PDILT: variants seen among roughly 807,000 people sequenced by gnomAD.
PDILT encodes protein disulfide isomerase like, testis expressed.
Under a neutral mutation model 53.7 loss-of-function variants are expected in PDILT, and 43 were observed. The ratio of observed to expected loss-of-function variants is 0.80; its 90% CI spans 0.63 to 1.03. The LOEUF is 1.03. Ranked by LOEUF, PDILT falls within the 50% of genes least tolerant of loss-of-function variation. PDILT has a pLI of 0.00. For missense variants in PDILT, 727 were observed against 712.3 expected, an observed-to-expected ratio of 1.02 and a Z score of -0.24; for synonymous variants, 282 against 274.2, an observed-to-expected ratio of 1.03 and a Z score of -0.28.
chr16:20,359,633 A>C, intron 11 of PDILT, 66 bp from the exon 12 acceptor site: 1 of 1,458,630 alleles, frequency 6.9e-7, no homozygotes, highest in Admixed American at 1.8e-5. Flanking sequence ...ATAAAGAGGC[A>C]AGAAATATGT....
chr16:20,361,897 C>A (rs992303110), intron 10 of PDILT, among the ~76,000 whole-genome samples: 1 of 152,218 alleles, frequency 6.6e-6, no homozygotes, highest in Non-Finnish European at 1.5e-5. Flanking sequence ...GCTCACATTT[C>A]TTTGACTGAT....
chr16:20,400,441 G>A (rs7192797), intron 1 of PDILT, among the ~76,000 whole-genome samples: 48,394 of 142,674 alleles, frequency 0.34, 8,446 homozygotes, highest in African/African-American at 0.44. Flanking sequence ...TTGCAGCTTG[G>A]TTAGCTCTTT....
chr16:20,368,255 G>A (rs566383738), intron 8 of PDILT, among the ~76,000 whole-genome samples: 1 of 152,258 alleles, frequency 6.6e-6, no homozygotes, highest in South Asian at 2.1e-4. Context: ...TTGGGGCTAG[G>A]GAAAGGCTGC....
At chr16:20,390,230 T>C (rs4402574) in intron 2 of PDILT, among the ~76,000 whole-genome samples, 150,670 of 152,302 alleles carry the variant, frequency 0.99, 74,618 homozygotes, top group Middle Eastern at 1. Flanking sequence ...CCAATTTGTT[T>C]TGACCATTGC....
intron 2 of PDILT, among the ~76,000 whole-genome samples, chr16:20,389,864 A>G (rs890386929): frequency 2.6e-5 from 4 of 152,094 alleles, no homozygotes; most frequent in Admixed American, 1.3e-4. Context: ...TCTTTAGACC[A>G]GTGGTTCTCA....
chr16:20,360,748 C>T, intron 10 of PDILT, 91 bp from the exon 11 acceptor site: 1 of 892,930 alleles, frequency 1.1e-6, no homozygotes, highest in Non-Finnish European at 1.9e-6. Flanking sequence ...GGGTCAAATT[C>T]CTAACAACCC....
At chr16:20,375,945 A>C in intron 4 of PDILT, 123 bp downstream of exon 4, 2 of 1,273,154 alleles carry the variant, frequency 1.6e-6, no homozygotes, top group Non-Finnish European at 2.2e-6. Context: ...TTCCCCTAAA[A>C]ACCAGATCAT....
intron 10 of PDILT, 62 bp from the exon 11 acceptor site, chr16:20,360,719 T>C: frequency 7.8e-7 from 1 of 1,277,452 alleles, no homozygotes; most frequent in Non-Finnish European, 1.1e-6. Context: ...GCTCGAGGAT[T>C]GCTACCTAGG....
At chr16:20,380,418 A>G (rs189593359) in intron 3 of PDILT, among the ~76,000 whole-genome samples, 65 of 151,698 alleles carry the variant, frequency 4.3e-4, no homozygotes, top group Admixed American at 1.6e-3. Context: ...GTTCACTGCA[A>G]CCTCTGCCTC....
At chr16:20,362,786 A>G (rs145277023) in intron 9 of PDILT, among the ~76,000 whole-genome samples, 1 of 152,300 alleles carries the variant, frequency 6.6e-6, no homozygotes, top group East Asian at 1.9e-4. Context: ...GAAAAAAAAT[A>G]GTTTTGGCTG....
At position 20,362,535 on chromosome 16, in the gene PDILT, C is replaced by T. The variant is rs1159297997; in HGVS notation, c.1285G>A (p.Glu429Lys). ...TGGTTTTGATATTTTCTGCCCAATT[C>T]CTCCAACAGTGGGAACAGCATCTTG... ...KCKMLFPLLEELGRKYQNHST... is the reference protein window; with the variant it reads ...KCKMLFPLLEKLGRKYQNHST... Residue 429 changes from glutamate (E) to lysine (K), a missense_variant, in exon 10 of 12, where the codon GAA becomes AAA. By Grantham distance (56) the Glu-to-Lys change is moderately conservative. Transcript: ENST00000302451. 1 of 1,613,920 alleles carries T rather than the reference C, an allele frequency of 6.2e-7. No individual in the cohort carries two copies. The highest frequency in any genetic ancestry group is 8.5e-7 in the Non-Finnish European group (1 of 1,180,026).
chr16:20,374,680 G>T, intron 5 of PDILT, 142 bp downstream of exon 5: 1 of 908,230 alleles, frequency 1.1e-6, no homozygotes, highest in East Asian at 2.5e-5. Flanking sequence ...AGCAACACTG[G>T]GAGACTGTGA....
chr16:20,362,313 G>C, intron 10 of PDILT, 91 bp downstream of exon 10: 1 of 1,371,396 alleles, frequency 7.3e-7, no homozygotes, highest in Non-Finnish European at 1.0e-6. Flanking sequence ...AACTGGTTTG[G>C]TAGAAAGCGC....
intron 3 of PDILT, among the ~76,000 whole-genome samples, chr16:20,379,170 C>T (rs1203835638): frequency 1.3e-5 from 2 of 152,102 alleles, no homozygotes; most frequent in East Asian, 1.9e-4. Context: ...TGTACCACCA[C>T]ACCTGGCTAA....
intron 2 of PDILT, among the ~76,000 whole-genome samples, chr16:20,386,301 G>A (rs1178464382): frequency 6.6e-6 from 1 of 152,134 alleles, no homozygotes; most frequent in African/African-American, 2.4e-5. Context: ...ATAACATTGT[G>A]AGGCTGCAGG....
intron 4 of PDILT, among the ~76,000 whole-genome samples, chr16:20,375,403 C>T (rs1281440809): frequency 6.6e-6 from 1 of 152,176 alleles, no homozygotes; most frequent in Non-Finnish European, 1.5e-5. Flanking sequence ...GGGAGAGAGG[C>T]AGATAGTCTC....
At position 20,373,173 on chromosome 16, in the gene PDILT, C is replaced by T. The variant is rs113078918; in HGVS notation, c.682-51G>A. The T allele has an allele frequency of 3.4e-5, 48 of 1,415,288 alleles. No homozygotes were observed. The African/African-American group carries it at 4.1e-4, about 12-fold the overall frequency. 87.7% of individuals were successfully genotyped at this position (1,415,288 alleles called of 1,614,324 possible). A position where few individuals can be genotyped will look rare whatever the true frequency, so the allele number is the denominator to read the frequency against. ...GAGGACAGTAGCTTTCATGATATAG[C>T]CACTTAATAAATATAAATAGCACAA... On this transcript the variant is annotated intron_variant, in intron 5 of 11. Coordinates refer to ENST00000302451, the MANE Select transcript of PDILT (RefSeq NM_174924.2).
Position 20,373,095 on chromosome 16 carries a change from T to C in PDILT, c.709A>G (p.Ile237Val). The C allele has an allele frequency of 6.2e-7, 1 of 1,614,128 alleles. No individual in the cohort carries two copies. Among genetic ancestry groups the C allele is most frequent in the East Asian group, 2.2e-5 (1 of 44,886 alleles). ...KGKIVNRQKLINDSTNKQELN... is the reference protein window; with the variant it reads ...KGKIVNRQKLVNDSTNKQELN... ...TCCTGTTTGTTGGTACTGTCATTAATAAGCTTTTGGCGGTTCACAATTTTT... is the reference window on the plus strand; with the variant it reads ...TCCTGTTTGTTGGTACTGTCATTAACAAGCTTTTGGCGGTTCACAATTTTT... Residue 237 changes from isoleucine to valine, a missense_variant, in exon 6 of 12, where the codon ATT becomes GTT. By Grantham distance (29) the Ile-to-Val change is conservative (BLOSUM62 3). Transcript: ENST00000302451.
intron 7 of PDILT, among the ~76,000 whole-genome samples, chr16:20,371,067 G>T (rs549011283): frequency 6.6e-6 from 1 of 152,240 alleles, no homozygotes; most frequent in African/African-American, 2.4e-5. Context: ...TTTACAGACT[G>T]GCTCTGAATT....
Sources: allele counts gnomAD v4.1 joint callset (sites outside exome capture counted in the v4.1 genomes callset), GRCh38; gene constraint gnomAD v4.1.1; transcripts MANE v1.5; gene names NCBI Gene and HGNC (gene_info 2026-07-23, HGNC 2026-07-21).